The following EMSY variants were observed in gnomAD, a reference collection of about 807,000 sequenced individuals.
EMSY encodes BRCA2-interacting transcriptional repressor EMSY.
EMSY carries 26 observed loss-of-function variants against 134.6 expected under a neutral mutation model. The observed-to-expected ratio is 0.19, with a 90% CI of 0.14 to 0.27. The LOEUF (loss-of-function observed/expected upper bound fraction) is 0.27. EMSY is among the 10% of genes least tolerant of loss of function. The pLI is 1.00. For missense variants in EMSY, 1,305 were observed against 1,611.4 expected, an observed-to-expected ratio of 0.81 and a Z score of 3.26; for synonymous variants, 579 against 577.8, an observed-to-expected ratio of 1.00 and a Z score of -0.03.
intron 14 of EMSY, among the ~76,000 whole-genome samples, chr11:76,531,179 TCTC>T (rs1435617768): frequency 1.3e-5 from 2 of 152,156 alleles, no homozygotes. Context: ...TAAGGATTCT[TCTC>T]TTTATGACTA....
intron 3 of EMSY, 89 bp from the exon 4 acceptor site, chr11:76,453,225 C>T: frequency 3.4e-6 from 4 of 1,178,348 alleles, no homozygotes; most frequent in Non-Finnish European, 4.9e-6. Context: ...CCCCCTTCTC[C>T]CCCCAAAAAT....
At chr11:76,464,476 A>G (rs1948270108) in intron 7 of EMSY, among the ~76,000 whole-genome samples, 1 of 152,272 alleles carries the variant, frequency 6.6e-6, no homozygotes. Context: ...GAAGAAAGGA[A>G]GGATATAATT....
intron 9 of EMSY, among the ~76,000 whole-genome samples, chr11:76,509,971 A>G (rs973463542): frequency 6.6e-6 from 1 of 152,186 alleles, no homozygotes. Flanking sequence ...AGATGGGAGA[A>G]TTGCTTTAGC....
chr11:76,493,382 C>A (rs944912773), intron 8 of EMSY, among the ~76,000 whole-genome samples: 1 of 152,132 alleles, frequency 6.6e-6, no homozygotes, highest in South Asian at 2.1e-4. Flanking sequence ...GGCAGACAGG[C>A]TCGTGAGTGC....
intron 14 of EMSY, among the ~76,000 whole-genome samples, chr11:76,531,055 C>G (rs998998937): frequency 6.6e-6 from 1 of 152,086 alleles, no homozygotes; most frequent in Non-Finnish European, 1.5e-5. Context: ...GTTGTTGATT[C>G]TCTGCCCCCC....
At chr11:76,470,356 TC>T (rs1374688483) in intron 7 of EMSY, among the ~76,000 whole-genome samples, 6 of 152,180 alleles carry the variant, frequency 3.9e-5, no homozygotes, top group African/African-American at 1.4e-4. Flanking sequence ...ACTACAGACT[TC>T]TAAATAATTT....
intron 18 of EMSY, among the ~76,000 whole-genome samples, chr11:76,543,027 G>A (rs1951504701): frequency 6.6e-6 from 1 of 152,104 alleles, no homozygotes; most frequent in African/African-American, 2.4e-5. Flanking sequence ...TTGCAAGGTG[G>A]GTGTGTTATC....
At chr11:76,460,713 C>T (rs1948074475) in intron 6 of EMSY, 1 of 151,906 alleles carries the variant, frequency 6.6e-6, no homozygotes, top group Non-Finnish European at 1.5e-5. Context: ...GGCACGGTGG[C>T]TCACGCGTGT....
At chr11:76,521,639 C>T (rs978728419) in intron 11 of EMSY, among the ~76,000 whole-genome samples, 1 of 151,936 alleles carries the variant, frequency 6.6e-6, no homozygotes, top group Non-Finnish European at 1.5e-5. Context: ...TGGCACATAC[C>T]TGTAGTCCTA....
chr11:76,471,088 A>C (rs1325389907), intron 7 of EMSY, among the ~76,000 whole-genome samples: 1 of 152,070 alleles, frequency 6.6e-6, no homozygotes, highest in African/African-American at 2.4e-5. Context: ...TACTTCTTCC[A>C]CCACAAATAC....
intron 15 of EMSY, among the ~76,000 whole-genome samples, chr11:76,537,519 A>G (rs562800715): frequency 1.2e-4 from 18 of 152,356 alleles, no homozygotes; most frequent in Admixed American, 1.1e-3. Context: ...AGAGTGTACA[A>G]GATAAAAATT....
At chr11:76,525,567 G>T (rs1324607333) in intron 12 of EMSY, among the ~76,000 whole-genome samples, 1 of 152,082 alleles carries the variant, frequency 6.6e-6, no homozygotes, top group African/African-American at 2.4e-5. Flanking sequence ...TAATAATTTA[G>T]TAAAGTCACT....
intron 8 of EMSY, among the ~76,000 whole-genome samples, chr11:76,493,821 C>T (rs111609994): frequency 0.012 from 1,876 of 152,314 alleles, 30 homozygotes; most frequent in African/African-American, 0.041. Flanking sequence ...ACTGGAGACC[C>T]GCCAAATGCC....
chr11:76,528,391 C>G, exon 14 of EMSY: 23 of 1,612,448 alleles, frequency 1.4e-5, no homozygotes, highest in Non-Finnish European at 1.9e-5. Flanking sequence ...TTCATCTATT[C>G]AGGAAGGAAA....
At chr11:76,526,331 C>G in intron 12 of EMSY, 131 bp from the exon 14 acceptor site, 1 of 576,220 alleles carries the variant, frequency 1.7e-6, no homozygotes, top group Non-Finnish European at 2.7e-6. Flanking sequence ...TTCCTGGAAA[C>G]ATTATACTTT....
chr11:76,481,849 C>G (rs944546837), intron 8 of EMSY, among the ~76,000 whole-genome samples: 1 of 152,208 alleles, frequency 6.6e-6, no homozygotes, highest in Non-Finnish European at 1.5e-5. Context: ...TCCTGCCTGC[C>G]AGCTCTGAAG....
chr11:76,473,333 G>T (rs137981436), intron 8 of EMSY, among the ~76,000 whole-genome samples: 30 of 151,488 alleles, frequency 2.0e-4, no homozygotes, highest in African/African-American at 7.0e-4. Context: ...TTGAGACAGG[G>T]TCTCGCTCTG....
chr11:76,529,541 C>T (rs1037997943), intron 14 of EMSY, among the ~76,000 whole-genome samples: 3 of 151,964 alleles, frequency 2.0e-5, no homozygotes, highest in Non-Finnish European at 4.4e-5. Flanking sequence ...TTCTTGCCCT[C>T]CAGGAGCATA....
chr11:76,500,241 T>C (rs1476136445), intron 9 of EMSY, among the ~76,000 whole-genome samples: 2 of 152,172 alleles, frequency 1.3e-5, no homozygotes, highest in East Asian at 3.8e-4. Flanking sequence ...TAATACTTAA[T>C]GTTACTTAAT....
Sources: allele counts gnomAD v4.1 joint callset (sites outside exome capture counted in the v4.1 genomes callset), GRCh38; gene constraint gnomAD v4.1.1; transcripts MANE v1.5; gene names NCBI Gene and HGNC (gene_info 2026-07-23, HGNC 2026-07-21).